The following PALD1 variants were observed in gnomAD, a reference collection of about 807,000 sequenced individuals.
PALD1 encodes phosphatase domain containing paladin 1.
PALD1 carries 57 observed loss-of-function variants against 96.0 expected under a neutral mutation model. The observed-to-expected ratio is 0.59, with a 90% CI of 0.48 to 0.74. The LOEUF is 0.74. Ranked by LOEUF, PALD1 falls within the 30% of genes least tolerant of loss-of-function variation. The pLI, the probability that PALD1 is intolerant of heterozygous loss-of-function variation, is 0.00. For synonymous variants in PALD1, 464 were observed against 473.6 expected (o/e 0.98, Z 0.26); for missense variants, 1,063 against 1,143.7 (o/e 0.93, Z 1.02).
intron 18 of PALD1, among the ~76,000 whole-genome samples, chr10:70,563,565 C>T (rs1298837550): frequency 6.6e-6 from 1 of 152,258 alleles, no homozygotes; most frequent in Non-Finnish European, 1.5e-5. Context: ...TCCTGAGCCA[C>T]TTCCTCTCTT....
chr10:70,523,257 C>T (rs577108174), intron 1 of PALD1, among the ~76,000 whole-genome samples: 5 of 152,258 alleles, frequency 3.3e-5, no homozygotes, highest in Admixed American at 6.5e-5. Flanking sequence ...GGAGGAGAGG[C>T]GGAGGTGTCA....
chr10:70,539,039 G>A lies in PALD1; in HGVS notation c.1569+31G>A, dbSNP rs45438804. On this transcript the variant is annotated intron_variant, in intron 13 of 19. Coordinates refer to ENST00000263563, the MANE Select transcript of PALD1 (RefSeq NM_014431.3). The surrounding 1 kb of genome is among the most constrained non-coding windows in gnomAD (Gnocchi z 4.5). ...CGGCCCTCAGGGCCTGGGTCCCCCAGTGGGTTTGGGGAGGGAGGGCTGAGC... is the reference window on the plus strand; with the variant it reads ...CGGCCCTCAGGGCCTGGGTCCCCCAATGGGTTTGGGGAGGGAGGGCTGAGC... The A allele has an allele frequency of 1.0e-2, 16,073 of 1,613,424 alleles. 122 individuals are homozygous for A. The highest frequency in any genetic ancestry group is 0.033 in the African/African-American group (2,485 of 75,066).
At chr10:70,507,259 A>AAG (rs1302507605) in intron 1 of PALD1, among the ~76,000 whole-genome samples, 1 of 151,652 alleles carries the variant, frequency 6.6e-6, no homozygotes, top group Non-Finnish European at 1.5e-5. Flanking sequence ...AAAAAAAAAA[A>AAG]AAATTAGCCG....
chr10:70,505,338 A>G (rs562759196), intron 1 of PALD1, among the ~76,000 whole-genome samples: 2 of 151,990 alleles, frequency 1.3e-5, no homozygotes, highest in Admixed American at 6.5e-5. Context: ...GCTCACGCCT[A>G]TAATCCCAGC....
chr10:70,482,015 G>A (rs1845940837), intron 1 of PALD1, among the ~76,000 whole-genome samples: 1 of 152,248 alleles, frequency 6.6e-6, no homozygotes, highest in Admixed American at 6.5e-5. Context: ...CCCAGTGCAT[G>A]GCATGGAGTG....
intron 18 of PALD1, among the ~76,000 whole-genome samples, chr10:70,552,341 T>C (rs1432030492): frequency 2.6e-5 from 4 of 152,214 alleles, no homozygotes; most frequent in Non-Finnish European, 5.9e-5. Context: ...TCCTGTCGTC[T>C]TCTGGGATGG....
At chr10:70,531,166 G>T in intron 4 of PALD1, 124 bp from the exon 5 acceptor site, 1 of 746,842 alleles carries the variant, frequency 1.3e-6, no homozygotes, top group Non-Finnish European at 2.2e-6. Context: ...GATTCAGGTT[G>T]CAGGGATGGT....
intron 19 of PALD1, 76 bp from the exon 20 acceptor site, chr10:70,566,505 C>A: frequency 1.8e-6 from 2 of 1,112,650 alleles, no homozygotes; most frequent in Non-Finnish European, 2.6e-6. Flanking sequence ...GCCACAGACT[C>A]ATCTTCAGAA....
In PALD1 at chr10:70,504,109, C is replaced by T. The variant is rs7093570; in HGVS notation, c.-29-21814C>T. Among the ~76,000 whole-genome samples the T allele has an allele frequency of 8.9e-3, 1,349 of 152,384 alleles. 19 individuals carry two copies. The highest frequency in any genetic ancestry group is 0.031 in the African/African-American group (1,302 of 41,596). On this transcript the variant is annotated intron_variant, in intron 1 of 19. Coordinates refer to ENST00000263563, the MANE Select transcript of PALD1 (RefSeq NM_014431.3). ...CAAGGGTTATGAAGGTGAAATCAAACTGTTTGTAAACGTATTCTCAGGGCT... is the reference window on the plus strand; with the variant it reads ...CAAGGGTTATGAAGGTGAAATCAAATTGTTTGTAAACGTATTCTCAGGGCT...
At chr10:70,476,373 T>A (rs1023064324), upstream of PALD1, among the ~76,000 whole-genome samples, 4 of 152,204 alleles carry the variant, frequency 2.6e-5, no homozygotes, top group African/African-American at 9.7e-5. Context: ...CAGTCCTTGT[T>A]CCCCTCCCAG....
chr10:70,502,383 A>T (rs981527230), intron 1 of PALD1, among the ~76,000 whole-genome samples: 4 of 152,246 alleles, frequency 2.6e-5, no homozygotes, highest in Non-Finnish European at 5.9e-5. Context: ...AGCACTGTTG[A>T]TGTGAAAGAC....
At chr10:70,534,620 C>A in intron 9 of PALD1, 96 bp downstream of exon 9, 1 of 1,147,256 alleles carries the variant, frequency 8.7e-7, no homozygotes, top group Non-Finnish European at 1.3e-6. Context: ...GATACCCTCC[C>A]CTACCTCTCT....
the PALD1 span, among the ~76,000 whole-genome samples, chr10:70,469,505 C>A: frequency 6.6e-6 from 1 of 152,154 alleles, no homozygotes; most frequent in East Asian, 1.9e-4. Flanking sequence ...GCATTGAATG[C>A]ATTATGCTTC....
chr10:70,491,960 G>A (rs571560736), intron 1 of PALD1, among the ~76,000 whole-genome samples: 1 of 152,284 alleles, frequency 6.6e-6, no homozygotes, highest in African/African-American at 2.4e-5. Flanking sequence ...TCCATTGTAT[G>A]GATAGGCCGC....
At chr10:70,532,592 G>A in intron 5 of PALD1, 29 bp from the exon 6 acceptor site, 1 of 1,607,886 alleles carries the variant, frequency 6.2e-7, no homozygotes, top group Non-Finnish European at 8.5e-7. Context: ...TTCAGGCCAT[G>A]GCCCTCTGAC....
chr10:70,490,201 G>A (rs1305650694), intron 1 of PALD1, among the ~76,000 whole-genome samples: 2 of 151,698 alleles, frequency 1.3e-5, no homozygotes, highest in African/African-American at 4.9e-5. Context: ...GGGATTACAG[G>A]CATGAGCCAC....
At chr10:70,469,250 A>C in the PALD1 span, among the ~76,000 whole-genome samples, 1 of 152,144 alleles carries the variant, frequency 6.6e-6, no homozygotes, top group Middle Eastern at 3.2e-3. Flanking sequence ...CGTGGCCTTA[A>C]ACCCTCCGAG....
At chr10:70,490,692 T>C (rs543516601) in intron 1 of PALD1, among the ~76,000 whole-genome samples, 4 of 152,246 alleles carry the variant, frequency 2.6e-5, no homozygotes, top group Non-Finnish European at 5.9e-5. Context: ...GGGTTGATGG[T>C]AGAGAGCTGT....
rs368177802 is a variant in PALD1, at chr10:70,527,796, T to A, written c.186-1433T>A. Among the ~76,000 whole-genome samples the A allele has an allele frequency of 8.1e-3, 1,232 of 151,314 alleles. 17 individuals carry two copies. The highest frequency in any genetic ancestry group is 0.028 in the African/African-American group (1,171 of 41,280). On this transcript the variant is annotated intron_variant, in intron 2 of 19. Coordinates refer to ENST00000263563, the MANE Select transcript of PALD1 (RefSeq NM_014431.3). ...CTGCCTTTCCAAAAGGCACTTTTTTTAAAATTTAAGTTCTAGGGTACATGT... is the reference window on the plus strand; with the variant it reads ...CTGCCTTTCCAAAAGGCACTTTTTTAAAAATTTAAGTTCTAGGGTACATGT...
Sources: gnomAD v4.1 joint callset for allele counts (sites outside exome capture counted in the v4.1 genomes callset) on GRCh38, gnomAD v4.1.1 for gene constraint, Gnocchi (gnomAD v3.1) non-coding constraint, MANE v1.5 for transcripts, NCBI Gene and HGNC (gene_info 2026-07-23, HGNC 2026-07-21) for gene names.